Variants in MEX3C observed in about 807,000 individuals in gnomAD.
MEX3C encodes mex-3 RNA binding family member C, also known as RNA-binding E3 ubiquitin-protein ligase MEX3C.
Under a neutral mutation model 35.5 loss-of-function variants are expected in MEX3C, and 15 were observed. That is an observed-to-expected ratio of 0.42 (90% CI 0.28 to 0.65). MEX3C has a LOEUF of 0.65. Among genes scored for constraint, MEX3C ranks in the 30% least tolerant of loss-of-function variants. The pLI, the probability that MEX3C is intolerant of heterozygous loss-of-function variation, is 0.20. For missense variants in MEX3C, 711 were observed against 842.8 expected, an observed-to-expected ratio of 0.84 and a Z score of 1.94; for synonymous variants, 390 against 352.8, an observed-to-expected ratio of 1.11 and a Z score of -1.18.
At chr18:51,194,249 T>A (rs1912724573) in intron 1 of MEX3C, 1 of 152,212 alleles carries the variant, frequency 6.6e-6, no homozygotes, top group African/African-American at 2.4e-5. Flanking sequence ...GTTGTATGGT[T>A]CAGAACAGCA....
chr18:51,178,757 G>A (rs1912358501), intron 1 of MEX3C, among the ~76,000 whole-genome samples: 1 of 151,652 alleles, frequency 6.6e-6, no homozygotes, highest in African/African-American at 2.4e-5. Flanking sequence ...CTCCTTGAGA[G>A]GCTGAGGCAG....
In MEX3C at chr18:51,177,490, C is replaced by T; in HGVS notation, c.841G>A (p.Gly281Arg). The T allele has an allele frequency of 6.2e-7, 1 of 1,614,022 alleles. No individual in the cohort carries two copies. Among genetic ancestry groups the T allele is most frequent in the Non-Finnish European group, 8.5e-7 (1 of 1,179,890 alleles). Residue 281 changes from glycine to arginine, a missense_variant, in exon 2 of 2, where the codon GGA (glycine) becomes AGA (arginine). Coordinates refer to ENST00000406189, the MANE Select transcript of MEX3C (RefSeq NM_016626.5). The surrounding 1 kb of genome is among the most constrained non-coding windows in gnomAD (Gnocchi z 4.2). ...GCCATGGCAACATCTTCTTTCCTTC[C>T]AGTGACAACAAAAATGGGCTCTTCA... ...RGEEPIFVVTGRKEDVAMAKR... is the reference protein window; with the variant it reads ...RGEEPIFVVTRRKEDVAMAKR...
Position 51,176,009 on chromosome 18 carries a change from T to G in MEX3C, c.*342A>C, listed in dbSNP as rs949312317. 1.6e-5 allele frequency: 3 copies of G among 185,700 alleles called. No individual in the cohort carries two copies. The South Asian group carries it at 4.6e-4, about 28-fold the overall frequency. 11.5% of individuals were successfully genotyped at this position (185,700 alleles called of 1,614,324 possible). A position where few individuals can be genotyped will look rare whatever the true frequency, so the allele number is the denominator to read the frequency against. ...AGTGGTTAGGCTTTGGGACCCATTG[T>G]TTTGAAATCTTAGACGTATACACTT... On this transcript the variant is annotated 3_prime_UTR_variant, in exon 2 of 2. Coordinates refer to ENST00000406189, the MANE Select transcript of MEX3C (RefSeq NM_016626.5).
At chr18:51,178,621 C>T (rs1912354518) in intron 1 of MEX3C, among the ~76,000 whole-genome samples, 2 of 151,594 alleles carry the variant, frequency 1.3e-5, no homozygotes, top group Admixed American at 1.3e-4. Flanking sequence ...GAGGGTGAGG[C>T]AGGTGGATAA....
chr18:51,186,992 G>C (rs1029224465), intron 1 of MEX3C, among the ~76,000 whole-genome samples: 1 of 152,092 alleles, frequency 6.6e-6, no homozygotes, highest in Non-Finnish European at 1.5e-5. Context: ...GTTTTGTTTT[G>C]AAGGGTAAAG....
intron 1 of MEX3C, among the ~76,000 whole-genome samples, chr18:51,186,147 A>C (rs1912532575): frequency 6.6e-6 from 1 of 152,142 alleles, no homozygotes; most frequent in Non-Finnish European, 1.5e-5. Context: ...TTACCCATTC[A>C]CATGTTAAAT....
At chr18:51,192,840 A>G (rs1181739150) in intron 1 of MEX3C, 2 of 152,206 alleles carry the variant, frequency 1.3e-5, no homozygotes, top group African/African-American at 2.4e-5. Context: ...AGCACCTAAC[A>G]TAGTACTAAG....
Position 51,176,225 on chromosome 18 carries a change from A to G in MEX3C, c.*126T>C. 1.0e-6 allele frequency: 1 copy of G among 954,482 alleles called. No homozygotes were observed. Among genetic ancestry groups the G allele is most frequent in the Non-Finnish European group, 1.5e-6 (1 of 666,682 alleles). The allele number at this position is 954,482 out of a possible 1,614,324, so 59.1% of individuals were successfully genotyped here. On this transcript the variant is annotated 3_prime_UTR_variant, in exon 2 of 2. Transcript: ENST00000406189. ...CTTTTATAAGTTTACTAACAACTTT[A>G]GCCTAATCCCAATAAAGCCTGATAA... is the stretch of plus-strand genomic sequence containing the variant.
chr18:51,191,638 C>A (rs147366788), intron 1 of MEX3C, among the ~76,000 whole-genome samples: 2 of 152,128 alleles, frequency 1.3e-5, no homozygotes, highest in African/African-American at 4.8e-5. Flanking sequence ...CATGATTAAA[C>A]GGTGGTTCCA....
chr18:51,192,535 A>G (rs931006173), intron 1 of MEX3C, among the ~76,000 whole-genome samples: 1 of 152,224 alleles, frequency 6.6e-6, no homozygotes, highest in African/African-American at 2.4e-5. Flanking sequence ...CCTTGTGGGT[A>G]GTACAGACAC....
intron 1 of MEX3C, among the ~76,000 whole-genome samples, chr18:51,179,426 C>T (rs1238922623): frequency 6.6e-6 from 1 of 152,158 alleles, no homozygotes; most frequent in African/African-American, 2.4e-5. Flanking sequence ...TATCCCCTAT[C>T]CAAAAACACA....
In MEX3C at chr18:51,196,481, C is replaced by T. The variant is rs116034053; in HGVS notation, c.754+86G>A. 8.4e-4 allele frequency: 1,247 copies of T among 1,492,172 alleles called. 6 individuals carry two copies. In the African/African-American group the frequency reaches 0.016, roughly 19 times the overall value. The allele number at this position is 1,492,172 out of a possible 1,614,324, so 92.4% of individuals were successfully genotyped here. On this transcript the variant is annotated intron_variant, in intron 1 of 1. Coordinates refer to ENST00000406189, the MANE Select transcript of MEX3C (RefSeq NM_016626.5). The stretch of plus-strand genomic sequence containing the variant: ...GGACTTGGGGGCCTCGCCGGGTTCG[C>T]CTTTTCCGTCCCACGCTCCTTTCTC...
rs376460445 is a variant in MEX3C at position 51,176,555 on chromosome 18, A to C, written c.1776T>G (p.Gly592=). 5 of 1,614,028 alleles carry C rather than the reference A, an allele frequency of 3.1e-6. No homozygotes were observed. Among genetic ancestry groups the C allele is most frequent in the East Asian group, 2.2e-5 (1 of 44,884 alleles). ...CTGGAGGTGAGCTAGAGGTGGAACC[A>C]CCATTGGAAGAGGAGTAACTATTGG... ...NGTNSYSSSN[G]GSTSSSPPES... Residue 592 remains glycine, a synonymous_variant, in exon 2 of 2, where the codon GGT becomes GGG. Coordinates refer to ENST00000406189, the MANE Select transcript of MEX3C (RefSeq NM_016626.5).
chr18:51,197,225 C>T lies in MEX3C; in HGVS notation c.96G>A (p.Leu32=). The T allele has an allele frequency of 2.0e-6, 2 of 997,864 alleles. No homozygotes were observed. The highest frequency in any genetic ancestry group is 1.8e-5 in the African/African-American group (1 of 56,826). The allele number at this position is 997,864 out of a possible 1,614,324, so 61.8% of individuals were successfully genotyped here. ...PPPPPPPPPP[L]PPPSGGPELE... The stretch of plus-strand genomic sequence containing the variant: ...GCTCCGGGCCGCCCGAGGGCGGCGG[C>T]AGAGGCGGCGGTGGCGGCGGCGGCG... Residue 32 remains leucine (L), a synonymous_variant, in exon 1 of 2, where the codon CTG becomes CTA. Transcript: ENST00000406189.
chr18:51,186,310 G>A (rs966839736), intron 1 of MEX3C, among the ~76,000 whole-genome samples: 3 of 152,200 alleles, frequency 2.0e-5, no homozygotes, highest in Non-Finnish European at 2.9e-5. Flanking sequence ...ACATACAAAA[G>A]GAGATGACTT....
chr18:51,193,768 T>C (rs573693612), intron 1 of MEX3C: 2 of 152,358 alleles, frequency 1.3e-5, no homozygotes, highest in East Asian at 3.9e-4. Context: ...TCAAACACTC[T>C]GCCAACTTTC....
chr18:51,176,781 T>A lies in MEX3C; in HGVS notation c.1550A>T (p.Asn517Ile). Residue 517 changes from asparagine to isoleucine, a missense_variant, in exon 2 of 2, where the codon AAC becomes ATC. Asn to Ile is a moderately radical substitution (Grantham distance 149). This residue lies in a region of MEX3C where 187 missense variants were observed against 201.7 expected (regional missense o/e 0.93). Transcript: ENST00000406189. Reference protein sequence around the residue: ...QTIWTPFEPVNPLSGFGSDPS... With the variant: ...QTIWTPFEPVIPLSGFGSDPS... The stretch of plus-strand genomic sequence containing the variant: ...ATCACTCCCAAAGCCAGAGAGTGGG[T>A]TAACTGGTTCAAATGGAGTCCAGAT... The A allele has an allele frequency of 6.2e-7, 1 of 1,613,968 alleles. No homozygotes were observed. Among genetic ancestry groups the A allele is most frequent in the Admixed American group, 1.7e-5 (1 of 60,024 alleles).
At chr18:51,195,198 A>G (rs554816112) in intron 1 of MEX3C, 1 of 152,360 alleles carries the variant, frequency 6.6e-6, no homozygotes, top group South Asian at 2.1e-4. Flanking sequence ...CCATGTAAAC[A>G]AAAGTTTTCT....
In MEX3C at chr18:51,184,305, AAC is replaced by A. The variant is rs199783054; in HGVS notation, c.755-6731_755-6730del. 9.4e-4 allele frequency among the ~76,000 whole-genome samples: 143 copies of A among 152,278 alleles called. 3 individuals are homozygous for A. The East Asian group carries it at 0.026, about 28-fold the overall frequency. ...CAGTCCTGCCCAATACCTTGATTTG[AAC>A]ACAGTGAGACCCTGAACAGACACAC... On this transcript the variant is annotated intron_variant, in intron 1 of 1. Coordinates refer to ENST00000406189, the MANE Select transcript of MEX3C (RefSeq NM_016626.5).
Sources: allele counts gnomAD v4.1 joint callset (sites outside exome capture counted in the v4.1 genomes callset), GRCh38; gene constraint gnomAD v4.1.1; regional missense constraint gnomAD v4.1.1; non-coding constraint Gnocchi (gnomAD v3.1); transcripts MANE v1.5; gene names NCBI Gene and HGNC (gene_info 2026-07-23, HGNC 2026-07-21).